The following DACH2 variants were observed in gnomAD, a reference collection of about 807,000 sequenced individuals.
DACH2 encodes dachshund family transcription factor 2, also known as dachshund homolog 2.
In DACH2, 17 loss-of-function variants were observed where a neutral mutation model predicts 35.8. That is an observed-to-expected ratio of 0.48 (90% confidence interval 0.33 to 0.71). DACH2 has a LOEUF of 0.71. DACH2 is among the 30% of genes least tolerant of loss of function. DACH2 has a pLI of 0.02. For synonymous variants in DACH2, 195 were observed against 177.3 expected (o/e 1.10, Z -0.79); for missense variants, 469 against 472.7 (o/e 0.99, Z 0.07).
rs145502633 is a variant in DACH2, at chrX:86,467,393, C to T, written c.528-46886C>T. On this transcript the variant is annotated intron_variant, in intron 2 of 11. Transcript: ENST00000373125. Reference sequence around the variant, plus strand: ...TCATCTCTATCTGAGATCAACTCAGCCTGGACTTTATTGTTCATATCACTA... The same window carrying T: ...TCATCTCTATCTGAGATCAACTCAGTCTGGACTTTATTGTTCATATCACTA... Among the ~76,000 whole-genome samples, 135 of 111,904 alleles carry T rather than the reference C, an allele frequency of 1.2e-3. No individual in the cohort carries two copies. The Middle Eastern group carries it at 0.018, about 15-fold the overall frequency.
chrX:86,551,053 T>C (rs1216818125), intron 3 of DACH2, among the ~76,000 whole-genome samples: 1 of 111,931 alleles, frequency 8.9e-6, no homozygotes, highest in Non-Finnish European at 1.9e-5. Flanking sequence ...ATCTCAAAGC[T>C]CTGACAAGCG....
At chrX:86,160,274 C>A in intron 1 of DACH2, 3 of 1,195,953 alleles carry the variant, frequency 2.5e-6, no homozygotes, top group African/African-American at 1.7e-5. Flanking sequence ...GGTGACCTTG[C>A]CAGCTCCAGC....
intron 1 of DACH2, among the ~76,000 whole-genome samples, chrX:86,164,423 A>G (rs141123254): frequency 0.033 from 3,683 of 111,402 alleles, 143 homozygotes; most frequent in African/African-American, 0.11. Flanking sequence ...GCTGTGCAGA[A>G]GCTCTTAAAT....
chrX:86,783,014 A>G (rs1416066728), intron 7 of DACH2, among the ~76,000 whole-genome samples: 2 of 112,029 alleles, frequency 1.8e-5, no homozygotes, highest in African/African-American at 6.5e-5. Flanking sequence ...GAAACTACCC[A>G]TCTGGCAAGG....
chrX:86,331,487 C>CA (rs778823154), intron 1 of DACH2, among the ~76,000 whole-genome samples: 21 of 110,300 alleles, frequency 1.9e-4, no homozygotes, highest in African/African-American at 6.2e-4. Context: ...AACAAACAAA[C>CA]AAAAAAACAG....
At chrX:86,356,520 G>A (rs1283845317) in intron 1 of DACH2, among the ~76,000 whole-genome samples, 1 of 109,718 alleles carries the variant, frequency 9.1e-6, no homozygotes, top group East Asian at 3.0e-4. Flanking sequence ...ATTTGGGCTT[G>A]TTTTGGGTTC....
At chrX:86,676,273 G>A (rs970966466) in intron 4 of DACH2, among the ~76,000 whole-genome samples, 3 of 111,918 alleles carry the variant, frequency 2.7e-5, no homozygotes, top group South Asian at 7.5e-4. Flanking sequence ...AGACATTGGT[G>A]CTTTGTAAAC....
intron 3 of DACH2, among the ~76,000 whole-genome samples, chrX:86,618,938 C>T (rs886850531): frequency 2.7e-5 from 3 of 111,933 alleles, no homozygotes; most frequent in Admixed American, 9.5e-5. Context: ...GACTTAGGTT[C>T]AGTTCTTGCT....
chrX:86,455,795 G>T (rs763345491), intron 2 of DACH2, among the ~76,000 whole-genome samples: 1 of 112,349 alleles, frequency 8.9e-6, no homozygotes, highest in South Asian at 3.7e-4. Context: ...TGGAAGTGGG[G>T]CCCACAGAAC....
intron 1 of DACH2, among the ~76,000 whole-genome samples, chrX:86,229,046 A>G (rs1805411327): frequency 9.0e-6 from 1 of 111,200 alleles, no homozygotes; most frequent in African/African-American, 3.3e-5. Context: ...TGCCTATGCC[A>G]ATGTCTAGAG....
intron 1 of DACH2, among the ~76,000 whole-genome samples, chrX:86,318,670 C>A (rs1040534509): frequency 1.8e-5 from 2 of 111,114 alleles, no homozygotes; most frequent in African/African-American, 6.6e-5. Context: ...ATCATTTTGG[C>A]AATTCCATGT....
chrX:86,149,208 T>C (rs1467376560), intron 1 of DACH2, 100 bp downstream of exon 1: 9 of 979,003 alleles, frequency 9.2e-6, no homozygotes, highest in Admixed American at 3.7e-5. Flanking sequence ...GAGTGAGTCT[T>C]AACTAGTTTG....
At chrX:86,720,680 G>A (rs752988301) in intron 6 of DACH2, among the ~76,000 whole-genome samples, 26 of 111,930 alleles carry the variant, frequency 2.3e-4, no homozygotes, top group Non-Finnish European at 4.3e-4. Flanking sequence ...GAAAGCTGTT[G>A]GTGGATCTAA....
intron 1 of DACH2, among the ~76,000 whole-genome samples, chrX:86,265,843 CATAA>C (rs2033702047): frequency 9.0e-6 from 1 of 111,582 alleles, no homozygotes; most frequent in Non-Finnish European, 1.9e-5. Context: ...ATAAAATACA[CATAA>C]ATAACATCAC....
At chrX:86,478,662 C>G (rs771380121) in intron 2 of DACH2, among the ~76,000 whole-genome samples, 19 of 108,207 alleles carry the variant, frequency 1.8e-4, no homozygotes, top group Non-Finnish European at 3.6e-4. Flanking sequence ...TTATCCCCCT[C>G]ACAGGGCATG....
chrX:86,370,759 T>G (rs1191017108), intron 1 of DACH2, among the ~76,000 whole-genome samples: 1 of 111,980 alleles, frequency 8.9e-6, no homozygotes, highest in Non-Finnish European at 1.9e-5. Context: ...AATTAGCTAA[T>G]AATCAGTTTA....
At chrX:86,200,635 CAAAAA>C (rs56012558) in intron 1 of DACH2, among the ~76,000 whole-genome samples, 2 of 47,696 alleles carry the variant, frequency 4.2e-5, no homozygotes, top group Non-Finnish European at 7.8e-5. Flanking sequence ...TGAACTTTTC[CAAAAA>C]AAAAAAAAAA....
At chrX:86,828,589 T>TAA (rs1316280105) in intron 11 of DACH2, 2 of 111,609 alleles carry the variant, frequency 1.8e-5, no homozygotes, top group Non-Finnish European at 3.8e-5. Flanking sequence ...TCTATAGGCA[T>TAA]AAGAAAAGAG....
chrX:86,666,930 A>G (rs1017349963), intron 4 of DACH2, among the ~76,000 whole-genome samples: 3 of 109,804 alleles, frequency 2.7e-5, no homozygotes, highest in Non-Finnish European at 5.7e-5. Flanking sequence ...TGTATGATGC[A>G]TCTTAACAGT....
Sources: gnomAD v4.1 joint callset for allele counts (sites outside exome capture counted in the v4.1 genomes callset) on GRCh38, gnomAD v4.1.1 for gene constraint, MANE v1.5 for transcripts, NCBI Gene and HGNC (gene_info 2026-07-23, HGNC 2026-07-21) for gene names.